LRP2: variants seen among roughly 807,000 people sequenced by gnomAD.
LRP2 encodes LDL receptor related protein 2.
A neutral mutation model predicts 531.0 loss-of-function variants in LRP2; 172 were observed. The ratio of observed to expected loss-of-function variants is 0.32; its 90% CI spans 0.29 to 0.37. The LOEUF is 0.37. Ranked by LOEUF, LRP2 falls within the 10% of genes least tolerant of loss-of-function variation. The pLI, the probability that LRP2 is intolerant of heterozygous loss-of-function variation, is 1.00. For synonymous variants in LRP2, 1,992 were observed against 2,027.6 expected (o/e 0.98, Z 0.47); for missense variants, 5,167 against 5,868.3 (o/e 0.88, Z 3.90).
intron 55 of LRP2, 104 bp from the exon 56 acceptor site, chr2:169,174,268 G>A (rs1687106973): frequency 7.0e-7 from 1 of 1,423,368 alleles, no homozygotes; most frequent in Non-Finnish European, 9.8e-7. Context: ...TTTCTTTTTA[G>A]AGGACTTATT....
At chr2:169,322,810 TACAG>T (rs1301459207) in intron 1 of LRP2, among the ~76,000 whole-genome samples, 3 of 152,166 alleles carry the variant, frequency 2.0e-5, no homozygotes, top group Admixed American at 6.5e-5. Context: ...ACAGTCCTCT[TACAG>T]ACAGTTTCAT....
At chr2:169,189,975 A>G (rs1430120282) in intron 48 of LRP2, among the ~76,000 whole-genome samples, 1 of 152,182 alleles carries the variant, frequency 6.6e-6, no homozygotes, top group Non-Finnish European at 1.5e-5. Flanking sequence ...TAAAGGAAGA[A>G]CCCAGAAAGC....
chr2:169,230,684 A>T (rs571721775), intron 31 of LRP2, among the ~76,000 whole-genome samples: 1 of 152,382 alleles, frequency 6.6e-6, no homozygotes, highest in East Asian at 1.9e-4. Flanking sequence ...ATTTTTAAGC[A>T]ATAAGGAATT....
intron 75 of LRP2, 88 bp downstream of exon 75, chr2:169,138,489 G>A: frequency 1.4e-6 from 2 of 1,433,538 alleles, no homozygotes; most frequent in Non-Finnish European, 1.9e-6. Context: ...CTGTATTTCA[G>A]TCTTCTCTAG....
chr2:169,156,184 T>C (rs1321242581), intron 65 of LRP2, 90 bp downstream of exon 65: 12 of 1,549,604 alleles, frequency 7.7e-6, no homozygotes, highest in Admixed American at 5.3e-5. Flanking sequence ...AGAAAAACTA[T>C]GAGAAGCTGA....
chr2:169,240,755 A>G lies in LRP2; in HGVS notation c.4045+233T>C, dbSNP rs1348983772. 5.1e-6 allele frequency: 3 copies of G among 588,008 alleles called. No individual in the cohort carries two copies. In the African/African-American group the frequency reaches 5.6e-5, roughly 11 times the overall value. The allele number at this position is 588,008 out of a possible 1,614,324, so 36.4% of individuals were successfully genotyped here. A position where few individuals can be genotyped will look rare whatever the true frequency, so the allele number is the denominator to read the frequency against. On this transcript the variant is annotated intron_variant, in intron 25 of 78. Coordinates refer to ENST00000649046, the MANE Select transcript of LRP2 (RefSeq NM_004525.3). ...CAATTTAGTCTCATTTTTTGAAACA[A>G]AGACATAAAAAGAAGTAAAAACACA...
chr2:169,136,824 G>C (rs1474169789), intron 76 of LRP2, among the ~76,000 whole-genome samples: 1 of 152,114 alleles, frequency 6.6e-6, no homozygotes, highest in Non-Finnish European at 1.5e-5. Flanking sequence ...AAAGATGACT[G>C]AGCAACAAGG....
chr2:169,170,451 C>T (rs1686953142), intron 59 of LRP2, 100 bp downstream of exon 59: 4 of 891,800 alleles, frequency 4.5e-6, no homozygotes, highest in Middle Eastern at 2.2e-4. Context: ...TACACATATA[C>T]AAAAATAATT....
rs1184097733 is a variant in LRP2 at position 169,185,566 on chromosome 2, T to C, written c.9782A>G (p.Lys3261Arg). ...IERMFLNKTNKETIINHRLPA... is the reference protein window; with the variant it reads ...IERMFLNKTNRETIINHRLPA... The stretch of plus-strand genomic sequence containing the variant: ...TAGTCTGTGGTTTATGATTGTCTCC[T>C]TGTTTGTCTTATTCAGAAACATTCT... The change falls in exon 50 of 79, where the codon AAG becomes AGG. Residue 3261 changes from lysine to arginine, a missense_variant. By Grantham distance (26) the Lys-to-Arg change is conservative (BLOSUM62 2). This residue lies in a region of LRP2 where 1,129 missense variants were observed against 1,362.7 expected (regional missense o/e 0.83). Coordinates refer to ENST00000649046, the MANE Select transcript of LRP2 (RefSeq NM_004525.3). 6.2e-7 allele frequency: 1 copy of C among 1,613,902 alleles called. No homozygotes were observed. The highest frequency in any genetic ancestry group is 1.3e-5 in the African/African-American group (1 of 74,928).
chr2:169,358,869 A>T (rs1374515418), intron 1 of LRP2, among the ~76,000 whole-genome samples: 1 of 148,596 alleles, frequency 6.7e-6, no homozygotes, highest in Non-Finnish European at 1.5e-5. Flanking sequence ...AACAGAATAC[A>T]ACTTTGTTTA....
chr2:169,361,404 C>CT (rs1196538502), intron 1 of LRP2, among the ~76,000 whole-genome samples: 2 of 142,614 alleles, frequency 1.4e-5, no homozygotes, highest in Admixed American at 7.0e-5. Context: ...CTGTCTCTCT[C>CT]CTCTCTCTCC....
chr2:169,154,473 C>A lies in LRP2; in HGVS notation c.12282G>T (p.Lys4094Asn), dbSNP rs750609040. 6.2e-7 allele frequency: 1 copy of A among 1,612,424 alleles called. No individual in the cohort carries two copies. Among genetic ancestry groups the A allele is most frequent in the African/African-American group, 1.3e-5 (1 of 74,830 alleles). Residue 4094 changes from lysine (K) to asparagine (N), a missense_variant, in exon 66 of 79, where the codon AAG becomes AAT. Coordinates refer to ENST00000649046, the MANE Select transcript of LRP2 (RefSeq NM_004525.3). ...GTTTATACTCACTGAGGCCTATGTC[C>A]TTGGGATCCCAATCATAATCAACAG... Reference protein sequence around the residue: ...IQAVDYDWDPKDIGLSVVYYT... With the variant: ...IQAVDYDWDPNDIGLSVVYYT...
chr2:169,193,043 A>G (rs115009492), intron 47 of LRP2, among the ~76,000 whole-genome samples: 1,932 of 152,308 alleles, frequency 0.013, 34 homozygotes, highest in African/African-American at 0.043. Context: ...TTATCTACTC[A>G]AGAGGCATAA....
intron 62 of LRP2, among the ~76,000 whole-genome samples, chr2:169,164,488 G>A (rs1686710282): frequency 1.3e-5 from 2 of 152,214 alleles, no homozygotes; most frequent in African/African-American, 4.8e-5. Context: ...CTCCCTTACA[G>A]TTAGAGCAGG....
chr2:169,224,786 G>A (rs1179950836), intron 33 of LRP2, among the ~76,000 whole-genome samples: 1 of 152,114 alleles, frequency 6.6e-6, no homozygotes, highest in African/African-American at 2.4e-5. Context: ...GCAATAGAAA[G>A]CTCAAATAAT....
chr2:169,223,784 C>T (rs1689102099), intron 33 of LRP2, among the ~76,000 whole-genome samples: 1 of 152,122 alleles, frequency 6.6e-6, no homozygotes, highest in Non-Finnish European at 1.5e-5. Context: ...ATGTTAACAC[C>T]TGATAATTCT....
In LRP2 at chr2:169,261,655, T is replaced by A. The variant is rs538190662; in HGVS notation, c.2321-2438A>T. The stretch of plus-strand genomic sequence containing the variant: ...ACCAGATGGATTCACAGCCGAATTC[T>A]ACCAGAGGTACAAGGAGGAACTGGT... On this transcript the variant is annotated intron_variant, in intron 16 of 78. Coordinates refer to ENST00000649046, the MANE Select transcript of LRP2 (RefSeq NM_004525.3). Among the ~76,000 whole-genome samples the A allele has an allele frequency of 5.5e-3, 839 of 152,268 alleles. 2 individuals are homozygous for A. The highest frequency in any genetic ancestry group is 0.017 in the South Asian group (82 of 4,830).
chr2:169,229,947 G>GA (rs913336768), intron 31 of LRP2, among the ~76,000 whole-genome samples: 99 of 150,846 alleles, frequency 6.6e-4, no homozygotes, highest in African/African-American at 1.6e-3. Context: ...TCTTGTTGGG[G>GA]AAAAAAAAAT....
chr2:169,213,379 T>C (rs1442827188), intron 36 of LRP2, among the ~76,000 whole-genome samples: 2 of 151,662 alleles, frequency 1.3e-5, no homozygotes, highest in African/African-American at 2.4e-5. Context: ...AAACAGGGAG[T>C]TCTATGAAGT....
Sources: allele counts gnomAD v4.1 joint callset (sites outside exome capture counted in the v4.1 genomes callset), GRCh38; gene constraint gnomAD v4.1.1; regional missense constraint gnomAD v4.1.1; transcripts MANE v1.5; gene names NCBI Gene and HGNC (gene_info 2026-07-23, HGNC 2026-07-21).